The following MPPED2 variants were observed in gnomAD, a reference collection of about 807,000 sequenced individuals.
The protein encoded by MPPED2 is metallophosphoesterase MPPED2.
A neutral mutation model predicts 33.0 loss-of-function variants in MPPED2; 5 were observed. The ratio of observed to expected loss-of-function variants is 0.15; its 90% confidence interval spans 0.08 to 0.32. The LOEUF is 0.32. MPPED2 is among the 10% of genes least tolerant of loss of function. MPPED2 has a pLI of 1.00. For missense variants in MPPED2, 275 were observed against 372.1 expected (o/e 0.74, Z 2.15); for synonymous variants, 136 against 141.9 (o/e 0.96, Z 0.29).
upstream of MPPED2, among the ~76,000 whole-genome samples, chr11:30,586,465 C>CAGTCCCTGCCCGCCCCTCCT: frequency 6.6e-6 from 1 of 151,964 alleles, no homozygotes; most frequent in Middle Eastern, 3.4e-3. This position sits in a 1 kb window ranked among gnomAD's most constrained non-coding sequence, Gnocchi z 4.8. Context: ...ACGCCCCTCC[C>CAGTCCCTGCCCGCCCCTCCT]GCAGTCCCTG....
intron 1 of MPPED2, among the ~76,000 whole-genome samples, chr11:30,581,120 T>C (rs1322740067): frequency 2.0e-5 from 3 of 152,192 alleles, no homozygotes; most frequent in African/African-American, 4.8e-5. Context: ...AAATCTTTCT[T>C]GTTAAATGTA....
At chr11:30,464,621 G>A (rs1281198036) in intron 4 of MPPED2, among the ~76,000 whole-genome samples, 1 of 152,026 alleles carries the variant, frequency 6.6e-6, no homozygotes, top group Non-Finnish European at 1.5e-5. Flanking sequence ...TGTGCCATTG[G>A]GCAGAAACCT....
chr11:30,432,942 T>C (rs1260736583), intron 4 of MPPED2, among the ~76,000 whole-genome samples: 1 of 152,198 alleles, frequency 6.6e-6, no homozygotes, highest in African/African-American at 2.4e-5. Context: ...GTTAGAACAA[T>C]GTGAACGTGG....
At chr11:30,476,302 G>GT (rs540043782) in intron 4 of MPPED2, among the ~76,000 whole-genome samples, 216 of 151,988 alleles carry the variant, frequency 1.4e-3, no homozygotes, top group African/African-American at 4.8e-3. Context: ...TGTTGTTTAT[G>GT]TTTTTTGTGT....
At chr11:30,448,052 A>G (rs538388529) in intron 4 of MPPED2, among the ~76,000 whole-genome samples, 3 of 152,188 alleles carry the variant, frequency 2.0e-5, no homozygotes, top group Non-Finnish European at 4.4e-5. Context: ...CTGGCTTAAG[A>G]TGAGGGAAAT....
At chr11:30,490,124 T>C (rs1426895582) in intron 4 of MPPED2, among the ~76,000 whole-genome samples, 1 of 152,156 alleles carries the variant, frequency 6.6e-6, no homozygotes, top group Non-Finnish European at 1.5e-5. Context: ...GATTAGAATT[T>C]TGTTCCCTTT....
At chr11:30,504,061 C>A (rs1283994270) in intron 3 of MPPED2, among the ~76,000 whole-genome samples, 2 of 152,198 alleles carry the variant, frequency 1.3e-5, no homozygotes, top group Non-Finnish European at 2.9e-5. Context: ...ATTTCTGAAA[C>A]CTGCCTGCAA....
rs539523460 is a variant in MPPED2, at chr11:30,546,116, G to A, written c.129-9941C>T. Reference sequence around the variant, plus strand: ...ATTACAGACATGAGTCACCGTGCCCGGCCACAACTGATTCTTAAAAAGTAA... The same window carrying A: ...ATTACAGACATGAGTCACCGTGCCCAGCCACAACTGATTCTTAAAAAGTAA... On this transcript the variant is annotated intron_variant, in intron 2 of 6. Transcript: ENST00000358117. Among the ~76,000 whole-genome samples the A allele has an allele frequency of 3.0e-3, 453 of 152,196 alleles. 2 individuals are homozygous for A. Among genetic ancestry groups the A allele is most frequent in the Non-Finnish European group, 5.1e-3 (346 of 68,000 alleles).
intron 2 of MPPED2, among the ~76,000 whole-genome samples, chr11:30,571,974 G>C (rs767770793): frequency 6.6e-6 from 1 of 152,092 alleles, no homozygotes; most frequent in African/African-American, 2.4e-5. Flanking sequence ...ATTGTATTTA[G>C]AGCAGGAGAT....
intron 2 of MPPED2, among the ~76,000 whole-genome samples, chr11:30,571,700 T>C (rs1189172874): frequency 6.6e-6 from 1 of 152,170 alleles, no homozygotes; most frequent in Non-Finnish European, 1.5e-5. Flanking sequence ...GATGAATAGA[T>C]CTTCCAAGAC....
At chr11:30,386,966 A>G (rs1179155463) in exon 7 of MPPED2, 1 of 390,584 alleles carries the variant, frequency 2.6e-6, no homozygotes, top group Non-Finnish European at 4.5e-6. Context: ...AAAGTAAGCA[A>G]TACAATCCAT....
intron 2 of MPPED2, among the ~76,000 whole-genome samples, chr11:30,572,738 A>G (rs1956759534): frequency 2.0e-5 from 3 of 152,184 alleles, no homozygotes; most frequent in Admixed American, 2.0e-4. Context: ...TCATCCACTG[A>G]TATGACTTTT....
chr11:30,426,967 G>T (rs1302055004), intron 4 of MPPED2, among the ~76,000 whole-genome samples: 1 of 152,150 alleles, frequency 6.6e-6, no homozygotes, highest in Non-Finnish European at 1.5e-5. Flanking sequence ...AGCCTGCAAG[G>T]GTGGCGTGTG....
At chr11:30,574,785 T>G (rs1956851114) in intron 2 of MPPED2, among the ~76,000 whole-genome samples, 1 of 152,200 alleles carries the variant, frequency 6.6e-6, no homozygotes, top group South Asian at 2.1e-4. Flanking sequence ...TTAAAAAAGT[T>G]TTAATCATAA....
intron 4 of MPPED2, among the ~76,000 whole-genome samples, chr11:30,480,108 G>C (rs1019253476): frequency 6.6e-6 from 1 of 152,126 alleles, no homozygotes; most frequent in Non-Finnish European, 1.5e-5. Context: ...GGACAAAACA[G>C]CGCCTAATGA....
intron 4 of MPPED2, among the ~76,000 whole-genome samples, chr11:30,437,556 G>A (rs939114884): frequency 1.3e-5 from 2 of 152,118 alleles, no homozygotes; most frequent in Non-Finnish European, 2.9e-5. Flanking sequence ...ATGACTCTGA[G>A]CTGGGGCTCT....
At chr11:30,494,833 A>AT (rs1565123889) in intron 4 of MPPED2, among the ~76,000 whole-genome samples, 1 of 151,840 alleles carries the variant, frequency 6.6e-6, no homozygotes, top group Non-Finnish European at 1.5e-5. Flanking sequence ...TATGTTGGAT[A>AT]TTTTTTGTCA....
chr11:30,458,883 T>C (rs1283369997), intron 4 of MPPED2, among the ~76,000 whole-genome samples: 1 of 151,324 alleles, frequency 6.6e-6, no homozygotes, highest in Non-Finnish European at 1.5e-5. Flanking sequence ...ACTAGACTAC[T>C]TAAATTTTTT....
intron 4 of MPPED2, among the ~76,000 whole-genome samples, chr11:30,480,614 A>C (rs1432499077): frequency 6.6e-6 from 1 of 152,100 alleles, no homozygotes; most frequent in Non-Finnish European, 1.5e-5. Flanking sequence ...GAGTTTTGAG[A>C]CTTTGCTCCT....
Sources: gnomAD v4.1 joint callset for allele counts (sites outside exome capture counted in the v4.1 genomes callset) on GRCh38, gnomAD v4.1.1 for gene constraint, Gnocchi (gnomAD v3.1) non-coding constraint, MANE v1.5 for transcripts, NCBI Gene and HGNC (gene_info 2026-07-23, HGNC 2026-07-21) for gene names.